G2E3: variants seen among roughly 807,000 people sequenced by gnomAD.
The protein encoded by G2E3 is G2/M-phase specific E3 ubiquitin protein ligase.
G2E3 carries 35 observed loss-of-function variants against 92.8 expected under a neutral mutation model. The ratio of observed to expected loss-of-function variants is 0.38; its 90% CI spans 0.29 to 0.50. The LOEUF (loss-of-function observed/expected upper bound fraction) is 0.50. Among genes scored for constraint, G2E3 ranks in the 20% least tolerant of loss-of-function variants. G2E3 has a pLI of 0.94. For missense variants in G2E3, 554 were observed against 823.8 expected (o/e 0.67, Z 4.01); for synonymous variants, 242 against 272.4 (o/e 0.89, Z 1.10).
At chr14:30,603,154 C>T (rs986168751) in intron 10 of G2E3, among the ~76,000 whole-genome samples, 1 of 151,976 alleles carries the variant, frequency 6.6e-6, no homozygotes, top group African/African-American at 2.4e-5. Context: ...GGTGAAACCC[C>T]GTCTCTATTA....
intron 11 of G2E3, among the ~76,000 whole-genome samples, chr14:30,606,882 A>G (rs1017194033): frequency 2.0e-5 from 3 of 152,176 alleles, no homozygotes; most frequent in Non-Finnish European, 2.9e-5. Flanking sequence ...AAGGTAAGAC[A>G]GCATATACTG....
Position 30,593,617 on chromosome 14 carries a change from G to C in G2E3, c.506G>C (p.Trp169Ser). The change falls in exon 6 of 15, where the codon TGG becomes TCG. Residue 169 changes from tryptophan (W) to serine (S), a missense_variant. Physicochemically the swap from Trp to Ser is radical, Grantham distance 177 (BLOSUM62 -3). Around this residue, in one of 3 missense-constraint regions of G2E3, gnomAD observed 137 missense variants for 201.3 expected, o/e 0.68. Transcript: ENST00000206595. Reference protein sequence around the residue: ...ILRSPCCKNAWFHRDCLQVQA... With the variant: ...ILRSPCCKNASFHRDCLQVQA... ...CGAAGTCCTTGTTGTAAGAACGCTTGGTTTCATAGAGACTGTTTACAGGTA... is the reference window on the plus strand; with the variant it reads ...CGAAGTCCTTGTTGTAAGAACGCTTCGTTTCATAGAGACTGTTTACAGGTA... 1 of 1,607,062 alleles carries C rather than the reference G, an allele frequency of 6.2e-7. No individual in the cohort carries two copies. The highest frequency in any genetic ancestry group is 8.5e-7 in the Non-Finnish European group (1 of 1,174,528).
At position 30,616,304 on chromosome 14, in the gene G2E3, G is replaced by A; in HGVS notation, c.1891G>A (p.Asp631Asn). 6.2e-7 allele frequency: 1 copy of A among 1,608,346 alleles called. No homozygotes were observed. Among genetic ancestry groups the A allele is most frequent in the South Asian group, 1.1e-5 (1 of 90,808 alleles). ...TGGTAAATCTACAACAACAATGGAAGACATTCTTATTTTTGCAACTGGTTG... is the reference window on the plus strand; with the variant it reads ...TGGTAAATCTACAACAACAATGGAAAACATTCTTATTTTTGCAACTGGTTG... ...EDGKSTTTME[D>N]ILIFATGCSS... The change falls in exon 15 of 15, where the codon GAC becomes AAC. Residue 631 changes from aspartate (D) to asparagine (N), a missense_variant. By Grantham distance (23) the Asp-to-Asn change is conservative (BLOSUM62 1). Coordinates refer to ENST00000206595, the MANE Select transcript of G2E3 (RefSeq NM_017769.5).
intron 12 of G2E3, among the ~76,000 whole-genome samples, chr14:30,608,910 A>T (rs1881960204): frequency 6.6e-6 from 1 of 152,240 alleles, no homozygotes; most frequent in Admixed American, 6.5e-5. Flanking sequence ...TGAATCCGGC[A>T]GATGGAGGTT....
At chr14:30,585,517 TA>T (rs1880662662) in intron 2 of G2E3, among the ~76,000 whole-genome samples, 1 of 152,122 alleles carries the variant, frequency 6.6e-6, no homozygotes, top group Non-Finnish European at 1.5e-5. Context: ...TCTATATGTT[TA>T]TCCTTATGTC....
chr14:30,591,281 A>T (rs993276987), intron 4 of G2E3, among the ~76,000 whole-genome samples: 3 of 152,108 alleles, frequency 2.0e-5, no homozygotes, highest in Admixed American at 6.5e-5. Flanking sequence ...TGAATCAGTG[A>T]CCATTTTAAT....
intron 1 of G2E3, among the ~76,000 whole-genome samples, chr14:30,577,239 A>AAG (rs1555337869): frequency 4.0e-5 from 6 of 151,046 alleles, no homozygotes; most frequent in East Asian, 1.9e-4. Flanking sequence ...AAAAAAAAAA[A>AAG]AAAAGAAAAA....
At chr14:30,596,222 C>T (rs774178280) in intron 6 of G2E3, among the ~76,000 whole-genome samples, 58 of 151,606 alleles carry the variant, frequency 3.8e-4, no homozygotes, top group Admixed American at 1.1e-3. Flanking sequence ...CTTCACCATC[C>T]GTAAATCATT....
intron 1 of G2E3, among the ~76,000 whole-genome samples, chr14:30,578,499 A>G (rs548463382): frequency 6.6e-6 from 1 of 152,324 alleles, no homozygotes; most frequent in East Asian, 1.9e-4. Context: ...GAGGGACCAC[A>G]GGGCTTCTTA....
At chr14:30,602,223 A>G in intron 10 of G2E3, 92 bp downstream of exon 10, 1 of 953,436 alleles carries the variant, frequency 1.0e-6, no homozygotes, top group Non-Finnish European at 1.6e-6. Flanking sequence ...TTAGGTGATC[A>G]TACAGTAGTC....
rs1344104315 is a variant in G2E3 at position 30,615,501 on chromosome 14, C to T, written c.1826C>T (p.Ala609Val). 6.2e-7 allele frequency: 1 copy of T among 1,602,838 alleles called. No homozygotes were observed. Residue 609 changes from alanine to valine, a missense_variant, in exon 14 of 15, where the codon GCT (alanine) becomes GTT (valine). Ala to Val is a moderately conservative substitution (Grantham distance 64). Transcript: ENST00000206595. ...GTACACACATTACCTGATGTGAAAG[C>T]TTTGGGGTTTTGGAACAGTTACTTA... Reference protein sequence around the residue: ...FTVHTLPDVKALGFWNSYLQA... With the variant: ...FTVHTLPDVKVLGFWNSYLQA...
chr14:30,598,967 C>T (rs1881426109), intron 8 of G2E3, among the ~76,000 whole-genome samples: 1 of 152,182 alleles, frequency 6.6e-6, no homozygotes, highest in Non-Finnish European at 1.5e-5. Flanking sequence ...CAAAATGCCA[C>T]AGACTGGGTG....
chr14:30,587,496 G>A (rs941594899), intron 3 of G2E3, among the ~76,000 whole-genome samples: 1 of 152,164 alleles, frequency 6.6e-6, no homozygotes, highest in Non-Finnish European at 1.5e-5. Context: ...CTGAAATTTA[G>A]CAGATAAAAC....
intron 6 of G2E3, among the ~76,000 whole-genome samples, chr14:30,594,430 C>G (rs1881169898): frequency 6.6e-6 from 1 of 152,166 alleles, no homozygotes; most frequent in Admixed American, 6.5e-5. Context: ...TGGCTCACGC[C>G]TGTAATCCCA....
chr14:30,590,548 G>T, intron 4 of G2E3: 2 of 393,620 alleles, frequency 5.1e-6, no homozygotes, highest in Non-Finnish European at 1.0e-5. Context: ...AATTAAGGAG[G>T]ATGGAAAAAT....
At chr14:30,614,763 A>G (rs973237747) in intron 13 of G2E3, among the ~76,000 whole-genome samples, 3 of 152,204 alleles carry the variant, frequency 2.0e-5, no homozygotes, top group Non-Finnish European at 4.4e-5. Flanking sequence ...GAAAATGTGC[A>G]TTTTAAAATA....
chr14:30,612,484 C>T, intron 13 of G2E3, 105 bp downstream of exon 13: 1 of 741,232 alleles, frequency 1.3e-6, no homozygotes, highest in South Asian at 2.2e-5. Context: ...ATGTTTTTCT[C>T]AGAAAAAAAT....
intron 12 of G2E3, among the ~76,000 whole-genome samples, chr14:30,608,323 G>T (rs532987440): frequency 9.2e-5 from 14 of 152,274 alleles, no homozygotes; most frequent in African/African-American, 2.6e-4. Flanking sequence ...TGTTCACCAT[G>T]GCTTGTGAAT....
chr14:30,591,045 T>G (rs1474761684), intron 4 of G2E3: 1 of 186,682 alleles, frequency 5.4e-6, no homozygotes, highest in African/African-American at 2.4e-5. Flanking sequence ...TTTGAAGCAT[T>G]TTGGATTTTA....
Sources: allele counts gnomAD v4.1 joint callset (sites outside exome capture counted in the v4.1 genomes callset), GRCh38; gene constraint gnomAD v4.1.1; regional missense constraint gnomAD v4.1.1; transcripts MANE v1.5; gene names NCBI Gene and HGNC (gene_info 2026-07-23, HGNC 2026-07-21).